CPED1: variants seen among roughly 807,000 people sequenced by gnomAD.
CPED1 encodes cadherin like and PC-esterase domain containing 1.
In CPED1, 114 loss-of-function variants were observed where a neutral mutation model predicts 128.2. The observed-to-expected ratio is 0.89, with a 90% CI of 0.76 to 1.04. The LOEUF (loss-of-function observed/expected upper bound fraction) is 1.04, where lower values mean the gene tolerates loss of function less well. CPED1 is among the 50% of genes least tolerant of loss of function. The pLI is 0.00. For synonymous variants in CPED1, 462 were observed against 426.7 expected, an observed-to-expected ratio of 1.08 and a Z score of -1.02; for missense variants, 1,211 against 1,207.1, an observed-to-expected ratio of 1.00 and a Z score of -0.05.
chr7:121,051,370 C>CT (rs35482486), intron 4 of CPED1: 229,189 of 378,370 alleles, frequency 0.61, 48,956 homozygotes, highest in African/African-American at 0.75. Context: ...ATGTAAATGC[C>CT]TTTTTTTTTT....
chr7:121,063,381 G>GGAAA lies in CPED1; in HGVS notation c.541-857_541-856insGAAA, dbSNP rs1554429192. 3.6e-4 allele frequency among the ~76,000 whole-genome samples: 24 copies of GGAAA among 67,042 alleles called. 1 individual carries two copies. Among genetic ancestry groups the GGAAA allele is most frequent in the Admixed American group, 9.7e-4 (4 of 4,114 alleles). 44.0% of individuals were successfully genotyped at this position (67,042 alleles called of 152,430 possible). A position where few individuals can be genotyped will look rare whatever the true frequency, so the allele number is the denominator to read the frequency against. ...GCTTTATTTTGCAAATGAAGAAACT[G>GGAAA]AAAAAAAAAAAAAAAAAAAAAGCAA... On this transcript the variant is annotated intron_variant, in intron 4 of 22. Transcript: ENST00000310396.
chr7:121,084,042 T>C (rs1352154274), intron 5 of CPED1, among the ~76,000 whole-genome samples: 1 of 152,202 alleles, frequency 6.6e-6, no homozygotes, highest in Non-Finnish European at 1.5e-5. Flanking sequence ...GAGACTCATG[T>C]TTTTAAGACT....
intron 18 of CPED1, among the ~76,000 whole-genome samples, chr7:121,262,456 A>G (rs1792040251): frequency 6.6e-6 from 1 of 151,984 alleles, no homozygotes; most frequent in Non-Finnish European, 1.5e-5. Context: ...ATTCCTGTAT[A>G]CTCTGTGGTA....
At chr7:121,226,986 G>A (rs532243737) in intron 16 of CPED1, among the ~76,000 whole-genome samples, 27 of 152,110 alleles carry the variant, frequency 1.8e-4, no homozygotes, top group African/African-American at 6.3e-4. Flanking sequence ...TCTGTACAAG[G>A]AATCCATTTG....
chr7:121,063,124 CTTCA>C (rs1793722239), intron 4 of CPED1, among the ~76,000 whole-genome samples: 1 of 152,156 alleles, frequency 6.6e-6, no homozygotes, highest in African/African-American at 2.4e-5. Context: ...TGAAGCTAGG[CTTCA>C]TTCATACAGG....
At chr7:121,009,124 G>C (rs1792097828) in intron 2 of CPED1, among the ~76,000 whole-genome samples, 1 of 152,062 alleles carries the variant, frequency 6.6e-6, no homozygotes, top group South Asian at 2.1e-4. Flanking sequence ...TTGGTGGGCT[G>C]TTAGCTCCTT....
intron 16 of CPED1, among the ~76,000 whole-genome samples, chr7:121,204,175 AG>A (rs1482255537): frequency 6.6e-6 from 1 of 152,114 alleles, no homozygotes; most frequent in Non-Finnish European, 1.5e-5. Context: ...AAATTGGAGA[AG>A]GGGCCACTGG....
intron 2 of CPED1, among the ~76,000 whole-genome samples, chr7:120,997,784 T>C (rs1004322135): frequency 2.0e-5 from 3 of 151,926 alleles, no homozygotes; most frequent in African/African-American, 7.3e-5. Context: ...TAGCTGGGCA[T>C]GGTGGCGGGC....
intron 18 of CPED1, among the ~76,000 whole-genome samples, chr7:121,244,695 C>T (rs1473197285): frequency 6.6e-6 from 1 of 152,206 alleles, no homozygotes; most frequent in Non-Finnish European, 1.5e-5. Flanking sequence ...GCAGCTCTGG[C>T]AGGCACTGCT....
At chr7:121,232,544 C>T (rs1222362997) in intron 16 of CPED1, among the ~76,000 whole-genome samples, 1 of 152,084 alleles carries the variant, frequency 6.6e-6, no homozygotes. Flanking sequence ...CATAAGATCT[C>T]AAATATATCT....
intron 5 of CPED1, among the ~76,000 whole-genome samples, chr7:121,085,006 C>T (rs1056796792): frequency 2.0e-5 from 3 of 152,194 alleles, no homozygotes; most frequent in Middle Eastern, 3.2e-3. Flanking sequence ...CCCAAATGCT[C>T]CCTTTGTCTC....
Position 121,223,262 on chromosome 7 carries a change from T to C in CPED1, c.2056-13452T>C, listed in dbSNP as rs570346306. ...CTGTTTATGTGATGGATTACCTTTA[T>C]TGATTTGTGTGTGTTGAACCAGCCT... On this transcript the variant is annotated intron_variant, in intron 16 of 22. Transcript: ENST00000310396. Among the ~76,000 whole-genome samples, 113 of 152,332 alleles carry C rather than the reference T, an allele frequency of 7.4e-4. 1 individual carries two copies. The highest frequency in any genetic ancestry group is 2.2e-3 in the African/African-American group (93 of 41,578).
rs1466717864 is a variant in CPED1, at chr7:121,241,069, C to T, written c.2174-3133C>T. Among the ~76,000 whole-genome samples, 7 of 51,894 alleles carry T rather than the reference C, an allele frequency of 1.3e-4. 2 individuals carry two copies. Among genetic ancestry groups the T allele is most frequent in the East Asian group, 5.1e-4 (2 of 3,926 alleles). 34.0% of individuals were successfully genotyped at this position (51,894 alleles called of 152,430 possible). On this transcript the variant is annotated intron_variant, in intron 17 of 22. Coordinates refer to ENST00000310396, the MANE Select transcript of CPED1 (RefSeq NM_024913.5). ...AAAAGAAATTATAAAACAGGCCGGG[C>T]GCGGTGGCTCACGCCTGTAATCCCA...
intron 3 of CPED1, among the ~76,000 whole-genome samples, chr7:121,024,459 G>A (rs937302320): frequency 1.3e-5 from 2 of 152,094 alleles, no homozygotes; most frequent in African/African-American, 2.4e-5. Flanking sequence ...AAAGTCCCTA[G>A]CATTGCCCCT....
intron 16 of CPED1, among the ~76,000 whole-genome samples, chr7:121,147,344 A>C (rs1247193396): frequency 2.0e-5 from 3 of 152,158 alleles, no homozygotes; most frequent in African/African-American, 7.2e-5. Context: ...ATTCAATTAC[A>C]GAAAAGATCA....
intron 16 of CPED1, among the ~76,000 whole-genome samples, chr7:121,187,593 T>A (rs1234317864): frequency 2.6e-5 from 4 of 152,122 alleles, no homozygotes; most frequent in Non-Finnish European, 4.4e-5. Flanking sequence ...AAACTTGTGA[T>A]CTTGTCTGCA....
chr7:121,148,563 G>GA (rs1796079276), intron 16 of CPED1, among the ~76,000 whole-genome samples: 1 of 152,168 alleles, frequency 6.6e-6, no homozygotes, highest in African/African-American at 2.4e-5. Flanking sequence ...AAGTCTTGCT[G>GA]ACTTCAAATT....
At chr7:121,062,351 TAAAA>T (rs144215318) in intron 4 of CPED1, among the ~76,000 whole-genome samples, 2 of 152,050 alleles carry the variant, frequency 1.3e-5, no homozygotes, top group Admixed American at 6.6e-5. Context: ...TTTGTGAACT[TAAAA>T]AACAAACAAA....
At chr7:121,176,335 T>G (rs10216123) in intron 16 of CPED1, among the ~76,000 whole-genome samples, 64,799 of 151,392 alleles carry the variant, frequency 0.43, 14,970 homozygotes, top group East Asian at 0.84. Flanking sequence ...ATTAATAGGA[T>G]CCCTTACTAT....
Sources: allele counts gnomAD v4.1 joint callset (sites outside exome capture counted in the v4.1 genomes callset), GRCh38; gene constraint gnomAD v4.1.1; transcripts MANE v1.5; gene names NCBI Gene and HGNC (gene_info 2026-07-23, HGNC 2026-07-21).